The following TMEM232 variants were observed in gnomAD, a reference collection of about 807,000 sequenced individuals.
TMEM232 encodes transmembrane protein 232.
Under a neutral mutation model 78.8 loss-of-function variants are expected in TMEM232, and 80 were observed. That is an observed-to-expected ratio of 1.01 (90% CI 0.85 to 1.22). The LOEUF (loss-of-function observed/expected upper bound fraction) is 1.22. TMEM232 is among the 50% of genes most tolerant of loss of function. The pLI, the probability that TMEM232 is intolerant of heterozygous loss-of-function variation, is 0.00. For synonymous variants in TMEM232, 297 were observed against 254.3 expected (o/e 1.17, Z -1.60); for missense variants, 881 against 742.2 (o/e 1.19, Z -2.17).
chr5:110,484,751 T>TAACA (rs1391884098), intron 12 of TMEM232, among the ~76,000 whole-genome samples: 3 of 152,030 alleles, frequency 2.0e-5, no homozygotes, highest in Non-Finnish European at 4.4e-5. Flanking sequence ...CTCGTCAATA[T>TAACA]AACAGCAAGT....
chr5:110,441,019 GAGGA>G (rs1758973812), intron 12 of TMEM232, among the ~76,000 whole-genome samples: 1 of 152,134 alleles, frequency 6.6e-6, no homozygotes, highest in Non-Finnish European at 1.5e-5. Flanking sequence ...CATTTTGACT[GAGGA>G]AGGAAGATGT....
intron 1 of TMEM232, among the ~76,000 whole-genome samples, chr5:110,736,953 T>C (rs1561590501): frequency 1.3e-5 from 2 of 150,378 alleles, no homozygotes; most frequent in South Asian, 2.1e-4. Flanking sequence ...CCTCACTTCA[T>C]TCAGTTCTCT....
intron 1 of TMEM232, among the ~76,000 whole-genome samples, chr5:110,683,871 T>G (rs542699619): frequency 2.0e-5 from 3 of 152,038 alleles, no homozygotes; most frequent in African/African-American, 7.2e-5. Flanking sequence ...GGGTTTAGTC[T>G]CAGAAGAGCA....
chr5:110,460,686 C>T lies in TMEM232; in HGVS notation c.1704-35770G>A, dbSNP rs867135697. ...TGCATTTTTCTTTTTTTTTTTTTTA[C>T]AAATTAAAGTTTTGTGGCAACTTTA... On this transcript the variant is annotated intron_variant, in intron 12 of 13. Transcript: ENST00000455884. 4.2e-5 allele frequency among the ~76,000 whole-genome samples: 6 copies of T among 143,814 alleles called. No individual in the cohort carries two copies. In the East Asian group the frequency reaches 6.0e-4, roughly 14 times the overall value. 94.3% of individuals were successfully genotyped at this position (143,814 alleles called of 152,430 possible).
At chr5:110,533,640 T>C (rs1450851213) in intron 11 of TMEM232, among the ~76,000 whole-genome samples, 1 of 152,212 alleles carries the variant, frequency 6.6e-6, no homozygotes, top group Non-Finnish European at 1.5e-5. Flanking sequence ...ACTCACTCTT[T>C]GTTAAGTCTC....
At position 110,524,363 on chromosome 5, in the gene TMEM232, A is replaced by AAAAG. The variant is rs756039290; in HGVS notation, c.1703+4221_1703+4224dup. Among the ~76,000 whole-genome samples the AAAAG allele has an allele frequency of 5.1e-3, 618 of 120,360 alleles. 4 individuals are homozygous for AAAAG. The highest frequency in any genetic ancestry group is 9.4e-3 in the East Asian group (39 of 4,164). The allele number at this position is 120,360 out of a possible 152,430, so 79.0% of individuals were successfully genotyped here. A position where few individuals can be genotyped will look rare whatever the true frequency, so the allele number is the denominator to read the frequency against. On this transcript the variant is annotated intron_variant, in intron 12 of 13. Transcript: ENST00000455884. ...AAAGAAAGAGAAAGAAAGAAAGAAA[A>AAAAG]AAAGAAAGAAAGAAAGAAAGAAAGA...
At chr5:110,620,535 C>T (rs544322944) in intron 7 of TMEM232, among the ~76,000 whole-genome samples, 2 of 150,946 alleles carry the variant, frequency 1.3e-5, no homozygotes, top group East Asian at 4.0e-4. Flanking sequence ...CTAACACTCT[C>T]TTATTAAGAC....
At chr5:110,452,222 TAATAA>T (rs1462555655) in intron 12 of TMEM232, among the ~76,000 whole-genome samples, 8 of 152,296 alleles carry the variant, frequency 5.3e-5, no homozygotes, top group South Asian at 2.1e-4. Flanking sequence ...AGTAAACAGA[TAATAA>T]AATAATAATT....
chr5:110,514,148 A>T (rs1408735502), intron 12 of TMEM232, among the ~76,000 whole-genome samples: 1 of 152,192 alleles, frequency 6.6e-6, no homozygotes, highest in Non-Finnish European at 1.5e-5. Flanking sequence ...GCTGACAATC[A>T]ACATTTTCTT....
At chr5:110,428,815 A>C (rs192609140) in intron 12 of TMEM232, among the ~76,000 whole-genome samples, 1 of 151,888 alleles carries the variant, frequency 6.6e-6, no homozygotes, top group East Asian at 1.9e-4. Flanking sequence ...CATCTACAAA[A>C]ACTCACTCTC....
intron 1 of TMEM232, among the ~76,000 whole-genome samples, chr5:110,714,163 A>G (rs1268792855): frequency 6.6e-6 from 1 of 152,110 alleles, no homozygotes; most frequent in Non-Finnish European, 1.5e-5. Context: ...CTGAGAGTAT[A>G]ATTTGGCAAG....
At chr5:110,684,338 C>A (rs969393114) in intron 1 of TMEM232, among the ~76,000 whole-genome samples, 16 of 151,932 alleles carry the variant, frequency 1.1e-4, no homozygotes, top group Non-Finnish European at 2.1e-4. Context: ...TAGATTATAT[C>A]CAATTAAGAA....
At chr5:110,728,633 C>T (rs1798378271), upstream of TMEM232, among the ~76,000 whole-genome samples, 1 of 151,262 alleles carries the variant, frequency 6.6e-6, no homozygotes, top group Non-Finnish European at 1.5e-5. Flanking sequence ...AGTCATACCT[C>T]CCCTTTCTCC....
chr5:110,577,270 A>T (rs1777674043), intron 10 of TMEM232, among the ~76,000 whole-genome samples: 2 of 152,196 alleles, frequency 1.3e-5, no homozygotes, highest in Non-Finnish European at 2.9e-5. Flanking sequence ...TCATATTTTA[A>T]AAAAGCTCAA....
intron 10 of TMEM232, among the ~76,000 whole-genome samples, chr5:110,597,503 G>A (rs879629872): frequency 9.3e-4 from 142 of 151,960 alleles, no homozygotes; most frequent in Non-Finnish European, 1.6e-3. Flanking sequence ...CACAGAATTG[G>A]AAAAAACTAC....
intron 12 of TMEM232, among the ~76,000 whole-genome samples, chr5:110,454,245 T>A (rs986037991): frequency 1.3e-5 from 2 of 152,150 alleles, no homozygotes; most frequent in African/African-American, 4.8e-5. Context: ...GTTAGACAAT[T>A]TTCTGGCCAT....
At chr5:110,708,213 C>T (rs2150303161) in intron 1 of TMEM232, among the ~76,000 whole-genome samples, 1 of 152,202 alleles carries the variant, frequency 6.6e-6, no homozygotes. Context: ...CAAGCAGGCT[C>T]TTGGAATCCT....
intron 12 of TMEM232, among the ~76,000 whole-genome samples, chr5:110,465,556 A>G (rs760100608): frequency 6.6e-6 from 1 of 152,184 alleles, no homozygotes; most frequent in Non-Finnish European, 1.5e-5. Flanking sequence ...TTCATTGCCT[A>G]TTTAGACTCA....
At chr5:110,533,292 A>G (rs2149546953) in intron 11 of TMEM232, among the ~76,000 whole-genome samples, 1 of 152,298 alleles carries the variant, frequency 6.6e-6, no homozygotes, top group Non-Finnish European at 1.5e-5. Flanking sequence ...TCATAAAAGC[A>G]CACATGCTCT....
Sources: allele counts gnomAD v4.1 joint callset (sites outside exome capture counted in the v4.1 genomes callset), GRCh38; gene constraint gnomAD v4.1.1; transcripts MANE v1.5; gene names NCBI Gene and HGNC (gene_info 2026-07-23, HGNC 2026-07-21).